The following SMIM31 variants were observed in gnomAD, a reference collection of about 807,000 sequenced individuals.
The protein encoded by SMIM31 is small integral membrane protein 31.
chr4:164,771,853 A>G (rs1370525526), intron 2 of SMIM31, among the ~76,000 whole-genome samples: 1 of 152,122 alleles, frequency 6.6e-6, no homozygotes, highest in Non-Finnish European at 1.5e-5. Flanking sequence ...CTCAACCTGG[A>G]AAAATGGTTG....
intron 1 of SMIM31, among the ~76,000 whole-genome samples, chr4:164,769,873 T>G (rs1732771380): frequency 6.6e-6 from 1 of 152,154 alleles, no homozygotes; most frequent in Non-Finnish European, 1.5e-5. Context: ...CGAGTGTCAG[T>G]ATAGTATATT....
intron 2 of SMIM31, among the ~76,000 whole-genome samples, chr4:164,782,282 T>C (rs1300274360): frequency 2.0e-5 from 3 of 149,734 alleles, no homozygotes. Context: ...AGAGTGAAAC[T>C]CCGTCTCACA....
At chr4:164,758,623 T>C (rs13132683) in intron 1 of SMIM31, among the ~76,000 whole-genome samples, 2 of 81,802 alleles carry the variant, frequency 2.4e-5, no homozygotes, top group African/African-American at 3.4e-5. Flanking sequence ...GTAGTTTTCC[T>C]TTTTTTGTTT....
intron 2 of SMIM31, among the ~76,000 whole-genome samples, chr4:164,780,805 C>CT (rs1013708224): frequency 6.6e-6 from 1 of 152,096 alleles, no homozygotes; most frequent in African/African-American, 2.4e-5. Flanking sequence ...ATATATACTA[C>CT]TTTTTTTAAT....
chr4:164,784,865 C>T (rs910150531), intron 2 of SMIM31, among the ~76,000 whole-genome samples: 2 of 150,398 alleles, frequency 1.3e-5, no homozygotes, highest in African/African-American at 2.5e-5. Flanking sequence ...TATCATCAGC[C>T]GCTCCCCAAG....
In SMIM31 at chr4:164,763,183, C is replaced by A. The variant is rs755059606; in HGVS notation, c.-25-7236C>A. On this transcript the variant is annotated intron_variant, in intron 1 of 2. Coordinates refer to ENST00000507311, the MANE Select transcript of SMIM31 (RefSeq NM_001352885.1). ...AATGCTTCTTTCAACCTTATAAATGCCCATTGCCTCAATAATTCAATTCAT... is the reference window on the plus strand; with the variant it reads ...AATGCTTCTTTCAACCTTATAAATGACCATTGCCTCAATAATTCAATTCAT... Among the ~76,000 whole-genome samples, 98 of 152,158 alleles carry A rather than the reference C, an allele frequency of 6.4e-4. 1 individual carries two copies. The highest frequency in any genetic ancestry group is 7.4e-4 in the Non-Finnish European group (50 of 68,022).
chr4:164,760,473 G>A (rs1408574306), intron 1 of SMIM31, among the ~76,000 whole-genome samples: 3 of 151,884 alleles, frequency 2.0e-5, no homozygotes, highest in Non-Finnish European at 4.4e-5. Context: ...GCTCATGCTT[G>A]TAATCCCAGC....
At chr4:164,760,693 T>C (rs1579059839) in intron 1 of SMIM31, among the ~76,000 whole-genome samples, 1 of 121,982 alleles carries the variant, frequency 8.2e-6, no homozygotes, top group Non-Finnish European at 1.6e-5. Context: ...TGAGCTGAGA[T>C]AACGCCACTA....
chr4:164,783,215 C>A (rs1732981237), intron 2 of SMIM31, among the ~76,000 whole-genome samples: 1 of 36,914 alleles, frequency 2.7e-5, no homozygotes, highest in South Asian at 8.6e-4. Context: ...AAGACTCTGT[C>A]TCAAAAAAAA....
intron 2 of SMIM31, among the ~76,000 whole-genome samples, chr4:164,773,444 C>T (rs1420949992): frequency 6.6e-6 from 1 of 152,174 alleles, no homozygotes; most frequent in Admixed American, 6.5e-5. Flanking sequence ...CCTCAGGAAA[C>T]TTACAATCGT....
At chr4:164,788,506 T>TTTTTTTTTTTTTTTA (rs1733058489) in intron 2 of SMIM31, among the ~76,000 whole-genome samples, 1 of 131,300 alleles carries the variant, frequency 7.6e-6, no homozygotes, top group African/African-American at 3.0e-5. Context: ...TTTTTTTTTT[T>TTTTTTTTTTTTTTTA]GAGACGGAGT....
chr4:164,765,560 G>A (rs1437552335), intron 1 of SMIM31, among the ~76,000 whole-genome samples: 3 of 148,724 alleles, frequency 2.0e-5, no homozygotes, highest in Admixed American at 6.8e-5. Context: ...AATTAGATAA[G>A]CATTCAATGC....
intron 2 of SMIM31, among the ~76,000 whole-genome samples, chr4:164,778,900 G>A (rs555578386): frequency 6.7e-6 from 1 of 150,366 alleles, no homozygotes; most frequent in Non-Finnish European, 1.5e-5. Context: ...GATCCGCCAT[G>A]TTTACTATAA....
At chr4:164,778,125 C>T (rs1402361613) in intron 2 of SMIM31, among the ~76,000 whole-genome samples, 9 of 152,210 alleles carry the variant, frequency 5.9e-5, no homozygotes, top group African/African-American at 2.2e-4. Context: ...CAGTGGCTTA[C>T]GCCTGTGATC....
intron 2 of SMIM31, among the ~76,000 whole-genome samples, chr4:164,774,639 G>A (rs1416900377): frequency 6.6e-6 from 1 of 152,158 alleles, no homozygotes; most frequent in Non-Finnish European, 1.5e-5. Flanking sequence ...GAAAAGTGAT[G>A]CTCCCCAACC....
chr4:164,769,620 A>C (rs1732766684), intron 1 of SMIM31, among the ~76,000 whole-genome samples: 1 of 151,084 alleles, frequency 6.6e-6, no homozygotes, highest in Non-Finnish European at 1.5e-5. Flanking sequence ...GGGGAGGGAT[A>C]GCATTAGGAG....
chr4:164,786,666 C>T (rs1733029426), intron 2 of SMIM31, among the ~76,000 whole-genome samples: 1 of 152,178 alleles, frequency 6.6e-6, no homozygotes, highest in Admixed American at 6.5e-5. Context: ...TTTTTGTGTG[C>T]CTAAATGCCT....
intron 2 of SMIM31, among the ~76,000 whole-genome samples, chr4:164,775,577 G>T (rs1174059310): frequency 2.0e-5 from 3 of 152,170 alleles, no homozygotes; most frequent in Non-Finnish European, 4.4e-5. Context: ...GATTTGAGGT[G>T]CTCTCCCTAT....
intron 1 of SMIM31, among the ~76,000 whole-genome samples, chr4:164,763,566 C>T (rs1313834501): frequency 6.6e-6 from 1 of 152,190 alleles, no homozygotes; most frequent in African/African-American, 2.4e-5. Context: ...GGGGATGAAT[C>T]TCAATGACTG....
Sources: gnomAD v4.1 joint callset for allele counts (sites outside exome capture counted in the v4.1 genomes callset) on GRCh38, gnomAD v4.1.1 for gene constraint, MANE v1.5 for transcripts, NCBI Gene and HGNC (gene_info 2026-07-23, HGNC 2026-07-21) for gene names.